The following AOPEP variants were observed in gnomAD, a reference collection of about 807,000 sequenced individuals.
AOPEP encodes aminopeptidase O.
AOPEP carries 77 observed loss-of-function variants against 98.1 expected under a neutral mutation model. The ratio of observed to expected loss-of-function variants is 0.78; its 90% confidence interval spans 0.65 to 0.95. AOPEP has a LOEUF of 0.95. Ranked by LOEUF, AOPEP falls within the 40% of genes least tolerant of loss-of-function variation. AOPEP has a pLI of 0.00. For synonymous variants in AOPEP, 346 were observed against 365.3 expected, an observed-to-expected ratio of 0.95 and a Z score of 0.60; for missense variants, 1,024 against 1,024.7, an observed-to-expected ratio of 1.00 and a Z score of 0.01.
chr9:94,872,458 A>G (rs556407406), intron 5 of AOPEP, among the ~76,000 whole-genome samples: 1 of 152,322 alleles, frequency 6.6e-6, no homozygotes, highest in South Asian at 2.1e-4. Flanking sequence ...AGGGATTTCA[A>G]AACCCAAGTC....
intron 7 of AOPEP, among the ~76,000 whole-genome samples, chr9:94,950,720 C>T (rs907875979): frequency 6.6e-6 from 1 of 152,212 alleles, no homozygotes; most frequent in Non-Finnish European, 1.5e-5. Context: ...CTGGCTCAGG[C>T]GTGGCAGCAG....
chr9:94,918,486 G>T (rs1349898948), intron 5 of AOPEP, among the ~76,000 whole-genome samples: 5 of 152,136 alleles, frequency 3.3e-5, no homozygotes, highest in African/African-American at 1.2e-4. Flanking sequence ...TGGCACAGAG[G>T]GACGGGAGCC....
chr9:95,013,936 G>T (rs538505856), intron 13 of AOPEP, among the ~76,000 whole-genome samples: 1 of 152,184 alleles, frequency 6.6e-6, no homozygotes, highest in East Asian at 1.9e-4. Context: ...ATGTCTCATT[G>T]TGGGTTACTT....
intron 10 of AOPEP, among the ~76,000 whole-genome samples, chr9:94,977,761 G>A (rs999064140): frequency 6.6e-6 from 1 of 152,188 alleles, no homozygotes; most frequent in Non-Finnish European, 1.5e-5. Context: ...CTTTCTGTGA[G>A]GTCTGCCCGG....
chr9:95,126,860 CAGTA>C, the AOPEP span: 2 of 426,110 alleles, frequency 4.7e-6, no homozygotes, highest in Non-Finnish European at 8.7e-6. Context: ...AATACAGAAT[CAGTA>C]AGTATTAGAG....
At chr9:95,065,236 C>T (rs893805116) in intron 14 of AOPEP, 2 of 152,246 alleles carry the variant, frequency 1.3e-5, no homozygotes, top group African/African-American at 4.8e-5. Flanking sequence ...AGAAGTCCTT[C>T]CTCTTGTCTG....
chr9:94,845,131 A>G (rs138614322), intron 5 of AOPEP, among the ~76,000 whole-genome samples: 2 of 152,240 alleles, frequency 1.3e-5, no homozygotes, highest in Admixed American at 1.3e-4. Flanking sequence ...TGAAAGCACT[A>G]TGAAGAGAAA....
At chr9:94,820,325 T>C (rs748986592) in intron 5 of AOPEP, among the ~76,000 whole-genome samples, 1 of 152,186 alleles carries the variant, frequency 6.6e-6, no homozygotes, top group Non-Finnish European at 1.5e-5. Flanking sequence ...ATGAGCTTTT[T>C]GTATTAACCC....
intron 14 of AOPEP, among the ~76,000 whole-genome samples, chr9:95,075,593 A>G (rs2068961759): frequency 6.6e-6 from 1 of 152,266 alleles, no homozygotes; most frequent in African/African-American, 2.4e-5. Flanking sequence ...GCACATGAAA[A>G]AAATGCTCGG....
At chr9:94,905,504 A>C (rs896654672) in intron 5 of AOPEP, among the ~76,000 whole-genome samples, 4 of 152,208 alleles carry the variant, frequency 2.6e-5, no homozygotes, top group Non-Finnish European at 5.9e-5. Context: ...TTTGATTTCA[A>C]ATTCTAGTTT....
rs775898716 is a variant in AOPEP, at chr9:94,939,196, C to T, written c.1661+10665C>T. On this transcript the variant is annotated intron_variant, in intron 7 of 16. Transcript: ENST00000375315. ...CTGGGAGGTGGAGGTTGCAGTGAGC[C>T]GAGATCATGCCACTGCACTCCAGCC... Among the ~76,000 whole-genome samples, 9 of 149,310 alleles carry T rather than the reference C, an allele frequency of 6.0e-5. 1 individual carries two copies. Among genetic ancestry groups the T allele is most frequent in the Non-Finnish European group, 1.0e-4 (7 of 67,552 alleles).
chr9:95,134,148 C>T, the AOPEP span, among the ~76,000 whole-genome samples: 1 of 152,118 alleles, frequency 6.6e-6, no homozygotes, highest in East Asian at 1.9e-4. Context: ...TGCACATCGC[C>T]CTGGGAGGCC....
chr9:95,090,850 T>C (rs566442316), downstream of AOPEP, among the ~76,000 whole-genome samples: 19 of 152,322 alleles, frequency 1.2e-4, no homozygotes, highest in South Asian at 3.7e-3. Flanking sequence ...TTTATGTTTA[T>C]TGGAATTTCA....
chr9:95,056,294 C>T (rs1386514852), intron 13 of AOPEP: 1 of 152,366 alleles, frequency 6.6e-6, no homozygotes, highest in African/African-American at 2.4e-5. Context: ...GGCTGCAGCG[C>T]ACCAGCTGGG....
chr9:95,099,615 C>A, the AOPEP span: 4 of 231,188 alleles, frequency 1.7e-5, no homozygotes, highest in African/African-American at 6.7e-5. Flanking sequence ...CTTTGAGCAT[C>A]TCTCAGGCTG....
chr9:94,930,902 T>C lies in AOPEP; in HGVS notation c.1661+2371T>C, dbSNP rs1241744497. ...GGACATGAGGGCCAGAGAGGTTTGC[T>C]TTCAGGTAGGGCGCCCAGGAGCATG... On this transcript the variant is annotated intron_variant, in intron 7 of 16. Transcript: ENST00000375315. This position sits in a 1 kb window ranked among gnomAD's most constrained non-coding sequence, Gnocchi z 4.5. Among the ~76,000 whole-genome samples, 1 of 152,084 alleles carries C rather than the reference T, an allele frequency of 6.6e-6. No individual in the cohort carries two copies. Among genetic ancestry groups the C allele is most frequent in the Non-Finnish European group, 1.5e-5 (1 of 67,996 alleles).
At chr9:94,871,044 A>G (rs1372796591) in intron 5 of AOPEP, among the ~76,000 whole-genome samples, 1 of 152,046 alleles carries the variant, frequency 6.6e-6, no homozygotes, top group Non-Finnish European at 1.5e-5. Context: ...CACTCTTCCT[A>G]ATGTGGGTGT....
At chr9:94,791,671 C>T (rs771554210) in intron 3 of AOPEP, among the ~76,000 whole-genome samples, 7 of 151,952 alleles carry the variant, frequency 4.6e-5, no homozygotes, top group Non-Finnish European at 1.0e-4. Flanking sequence ...GGCAACAGAG[C>T]GCGACCCTGT....
chr9:95,114,967 C>T, the AOPEP span, among the ~76,000 whole-genome samples: 11 of 152,118 alleles, frequency 7.2e-5, no homozygotes, highest in African/African-American at 2.4e-4. Flanking sequence ...TTTTAAGACA[C>T]GATCTTGCTT....
Sources: gnomAD v4.1 joint callset for allele counts (sites outside exome capture counted in the v4.1 genomes callset) on GRCh38, gnomAD v4.1.1 for gene constraint, Gnocchi (gnomAD v3.1) non-coding constraint, MANE v1.5 for transcripts, NCBI Gene and HGNC (gene_info 2026-07-23, HGNC 2026-07-21) for gene names.